CDC45: variants seen among roughly 807,000 people sequenced by gnomAD.
The protein encoded by CDC45 is cell division cycle 45, also known as cell division control protein 45 homolog.
In CDC45, 54 loss-of-function variants were observed where a neutral mutation model predicts 77.8. That is an observed-to-expected ratio of 0.69 (90% CI 0.56 to 0.87). CDC45 has a LOEUF of 0.87. Ranked by LOEUF, CDC45 falls within the 40% of genes least tolerant of loss-of-function variation. CDC45 has a pLI of 0.00. For synonymous variants in CDC45, 260 were observed against 272.1 expected (o/e 0.96, Z 0.44); for missense variants, 649 against 721.6 (o/e 0.90, Z 1.15).
chr22:19,495,998 A>T lies in CDC45; in HGVS notation c.560A>T (p.Asp187Val), dbSNP rs764941393. 11 of 1,611,594 alleles carry T rather than the reference A, an allele frequency of 6.8e-6. No homozygotes were observed. Among genetic ancestry groups the T allele is most frequent in the Middle Eastern group, 1.6e-4 (1 of 6,082 alleles). ...WEARRRDILF[D>V]YEQYEYHGTS... ...CATTACAGAAGAGACATCCTCTTTG[A>T]CTACGAGCAGTATGAATATCATGGG... is the stretch of plus-strand genomic sequence containing the variant. Residue 187 changes from aspartate (D) to valine (V), a missense_variant, in exon 7 of 19, where the codon GAC (aspartate) becomes GTC (valine). Coordinates refer to ENST00000263201, the MANE Select transcript of CDC45 (RefSeq NM_003504.5).
At chr22:19,488,995 G>A (rs2090115437) in intron 5 of CDC45, among the ~76,000 whole-genome samples, 1 of 152,040 alleles carries the variant, frequency 6.6e-6, no homozygotes, top group South Asian at 2.1e-4. Context: ...GGGCAACATG[G>A]CAAAACCCTG....
At chr22:19,519,613 G>A (rs534582483) in intron 18 of CDC45, among the ~76,000 whole-genome samples, 43 of 151,950 alleles carry the variant, frequency 2.8e-4, no homozygotes, top group Admixed American at 2.0e-4. Flanking sequence ...TGGAGGCTGC[G>A]GCTGTGGCAG....
intron 15 of CDC45, among the ~76,000 whole-genome samples, chr22:19,515,696 G>C (rs1003943036): frequency 2.0e-5 from 3 of 152,246 alleles, no homozygotes; most frequent in Non-Finnish European, 2.9e-5. Context: ...TAATGTCAAA[G>C]ATAAACTAGG....
intron 9 of CDC45, among the ~76,000 whole-genome samples, chr22:19,501,043 G>A (rs1383241829): frequency 6.6e-6 from 1 of 152,080 alleles, no homozygotes; most frequent in East Asian, 1.9e-4. Flanking sequence ...TGAACATGAT[G>A]GCACACCTGT....
chr22:19,510,319 A>G (rs577137613), intron 13 of CDC45, among the ~76,000 whole-genome samples: 2 of 152,164 alleles, frequency 1.3e-5, no homozygotes, highest in Admixed American at 6.5e-5. Flanking sequence ...AATCACCACT[A>G]TCTAATTTTA....
intron 9 of CDC45, among the ~76,000 whole-genome samples, chr22:19,502,667 G>A (rs893992775): frequency 6.6e-6 from 1 of 152,230 alleles, no homozygotes; most frequent in Non-Finnish European, 1.5e-5. Flanking sequence ...AGGTAATTCA[G>A]TGAAGGCTGT....
At chr22:19,480,825 C>A in intron 2 of CDC45, 128 bp from the exon 3 acceptor site, 1 of 597,748 alleles carries the variant, frequency 1.7e-6, no homozygotes, top group Non-Finnish European at 3.0e-6. Flanking sequence ...TTCCCGTAAG[C>A]ATTTCACTAG....
chr22:19,486,194 A>G (rs1307070785), intron 5 of CDC45, among the ~76,000 whole-genome samples: 1 of 152,172 alleles, frequency 6.6e-6, no homozygotes, highest in Non-Finnish European at 1.5e-5. Flanking sequence ...GCCAGAAACC[A>G]TGATATTCTA....
intron 5 of CDC45, among the ~76,000 whole-genome samples, chr22:19,488,625 C>A (rs1013819459): frequency 2.6e-5 from 4 of 152,162 alleles, no homozygotes; most frequent in African/African-American, 9.7e-5. Flanking sequence ...TCAAAGAAAT[C>A]TCAGGCTGTG....
chr22:19,493,064 C>G (rs924817495), intron 5 of CDC45, among the ~76,000 whole-genome samples: 5 of 152,100 alleles, frequency 3.3e-5, no homozygotes. Context: ...CTTGCTACAG[C>G]TTCGCAAGGA....
intron 13 of CDC45, among the ~76,000 whole-genome samples, chr22:19,510,930 A>G (rs570765114): frequency 1.3e-5 from 2 of 152,324 alleles, no homozygotes; most frequent in Admixed American, 6.5e-5. Flanking sequence ...CCTATTGACA[A>G]TTATGACTAA....
chr22:19,483,671 C>A (rs1201536437), intron 4 of CDC45, among the ~76,000 whole-genome samples, 191 bp from the exon 5 acceptor site: 1 of 152,182 alleles, frequency 6.6e-6, no homozygotes, highest in African/African-American at 2.4e-5. Context: ...TGGTGTAACT[C>A]TGGTGCCTCA....
intron 2 of CDC45, 42 bp downstream of exon 2, chr22:19,480,259 G>T: frequency 6.3e-7 from 1 of 1,584,480 alleles, no homozygotes. Context: ...CGGCGCGCGA[G>T]GTGAGGGTGC....
chr22:19,492,187 GGGCACTGAT>G (rs1439971194), intron 5 of CDC45, among the ~76,000 whole-genome samples: 1 of 151,994 alleles, frequency 6.6e-6, no homozygotes, highest in Non-Finnish European at 1.5e-5. Context: ...TCCTCCTCCA[GGGCACTGAT>G]GACGTGAATG....
In CDC45 at chr22:19,507,764, A is replaced by G; in HGVS notation, c.957-2A>G. 1.9e-6 allele frequency: 3 copies of G among 1,588,690 alleles called. No individual in the cohort carries two copies. The highest frequency in any genetic ancestry group is 2.6e-6 in the Non-Finnish European group (3 of 1,169,040). The stretch of plus-strand genomic sequence containing the variant: ...CATGTGGCTTGGGCTTGCTCTTTCC[A>G]GTCTTCCCCTGAAGCAGGTGAAGCA... On this transcript the variant is annotated splice_acceptor_variant, in intron 11 of 18. Transcript: ENST00000263201. LOFTEE classifies it high-confidence loss of function.
At position 19,499,055 on chromosome 22, in the gene CDC45, G is replaced by A. The variant is rs1389173378; in HGVS notation, c.654-46G>A. The stretch of plus-strand genomic sequence containing the variant: ...CACTCCATCCCCCAGGCCTCATTGA[G>A]CCCAGGTGGGCTATAGGCCGGCTCC... On this transcript the variant is annotated intron_variant, in intron 8 of 18. Transcript: ENST00000263201. The A allele has an allele frequency of 2.5e-6, 4 of 1,600,586 alleles. No individual in the cohort carries two copies. The South Asian group carries it at 4.4e-5, about 18-fold the overall frequency.
chr22:19,485,677 ATAT>A (rs753534578), intron 5 of CDC45, among the ~76,000 whole-genome samples: 1 of 152,244 alleles, frequency 6.6e-6, no homozygotes, highest in South Asian at 2.1e-4. Flanking sequence ...GTTTAACATA[ATAT>A]TCATGGATTA....
upstream of CDC45, chr22:19,479,802 C>A: frequency 2.8e-6 from 2 of 711,426 alleles, no homozygotes; most frequent in South Asian, 1.7e-5. Context: ...GCGCTAATGG[C>A]CGCCTCCAAT....
At chr22:19,511,622 G>A (rs922738216) in intron 13 of CDC45, among the ~76,000 whole-genome samples, 2 of 152,100 alleles carry the variant, frequency 1.3e-5, no homozygotes, top group Non-Finnish European at 2.9e-5. Flanking sequence ...GAACCACCGT[G>A]CCCAGCCTAA....
Sources: allele counts gnomAD v4.1 joint callset (sites outside exome capture counted in the v4.1 genomes callset), GRCh38; gene constraint gnomAD v4.1.1; transcripts MANE v1.5; gene names NCBI Gene and HGNC (gene_info 2026-07-23, HGNC 2026-07-21).